TNFSF4: variants seen among roughly 807,000 people sequenced by gnomAD.
The protein encoded by TNFSF4 is TNF superfamily member 4.
TNFSF4 carries 4 observed loss-of-function variants against 7.3 expected under a neutral mutation model. That is an observed-to-expected ratio of 0.55 (90% CI 0.27 to 1.25). The LOEUF (loss-of-function observed/expected upper bound fraction) is 1.25. Ranked by LOEUF, TNFSF4 falls within the 50% of genes most tolerant of loss-of-function variation. The probability of loss-of-function intolerance (pLI) is 0.12; values close to 1 mark genes in which losing one functional copy is unlikely to be tolerated. For missense variants in TNFSF4, 181 were observed against 208.8 expected, an observed-to-expected ratio of 0.87 and a Z score of 0.82; for synonymous variants, 76 against 83.7, an observed-to-expected ratio of 0.91 and a Z score of 0.50.
At chr1:173,358,451 C>A in the TNFSF4 span, among the ~76,000 whole-genome samples, 3 of 152,246 alleles carry the variant, frequency 2.0e-5, no homozygotes, top group Non-Finnish European at 4.4e-5. Flanking sequence ...CCAGAACCCT[C>A]ATAGACTGCT....
chr1:173,450,365 A>G, the TNFSF4 span, among the ~76,000 whole-genome samples: 2 of 152,146 alleles, frequency 1.3e-5, no homozygotes, highest in African/African-American at 4.8e-5. Flanking sequence ...TGTGGAAGAA[A>G]TAATAATTTT....
the TNFSF4 span, among the ~76,000 whole-genome samples, chr1:173,232,391 A>G: frequency 6.6e-6 from 1 of 152,318 alleles, no homozygotes; most frequent in East Asian, 1.9e-4. Flanking sequence ...GATTTTCTAA[A>G]TATACAATCA....
At chr1:173,320,973 A>G in the TNFSF4 span, among the ~76,000 whole-genome samples, 1 of 152,212 alleles carries the variant, frequency 6.6e-6, no homozygotes, top group Non-Finnish European at 1.5e-5. Context: ...ATTAGAAAAA[A>G]GCTACTTTAA....
the TNFSF4 span, among the ~76,000 whole-genome samples, chr1:173,257,301 C>A: frequency 6.6e-6 from 1 of 152,226 alleles, no homozygotes; most frequent in Non-Finnish European, 1.5e-5. Flanking sequence ...TTAGTGTCTA[C>A]ACTGAGAGAG....
At chr1:173,182,539 C>A (rs981775643), downstream of TNFSF4, among the ~76,000 whole-genome samples, 1 of 152,144 alleles carries the variant, frequency 6.6e-6, no homozygotes, top group South Asian at 2.1e-4. Flanking sequence ...AGTTTTCAGA[C>A]GTAAAATAGG....
the TNFSF4 span, among the ~76,000 whole-genome samples, chr1:173,393,034 G>T: frequency 3.9e-4 from 59 of 152,280 alleles, no homozygotes; most frequent in African/African-American, 1.3e-3. Flanking sequence ...AAGGATACAA[G>T]GGAGACGTGA....
chr1:173,195,018 T>C (rs1649640687), intron 1 of TNFSF4, among the ~76,000 whole-genome samples: 1 of 152,194 alleles, frequency 6.6e-6, no homozygotes, highest in Non-Finnish European at 1.5e-5. Flanking sequence ...ACTACCCATA[T>C]TTTACAGATA....
chr1:173,279,686 T>C, the TNFSF4 span, among the ~76,000 whole-genome samples: 1 of 152,050 alleles, frequency 6.6e-6, no homozygotes, highest in Non-Finnish European at 1.5e-5. Context: ...TTCCCTTCCT[T>C]ACCTACACTC....
chr1:173,244,311 A>C, the TNFSF4 span, among the ~76,000 whole-genome samples: 8 of 152,306 alleles, frequency 5.3e-5, no homozygotes, highest in South Asian at 1.7e-3. Flanking sequence ...ACAGCTAATT[A>C]CATTTAAGCA....
At chr1:173,366,351 T>A in the TNFSF4 span, among the ~76,000 whole-genome samples, 2 of 152,072 alleles carry the variant, frequency 1.3e-5, no homozygotes, top group South Asian at 4.1e-4. Flanking sequence ...GGAAGTGAAA[T>A]AAGCCAGGCA....
intron 1 of TNFSF4, among the ~76,000 whole-genome samples, chr1:173,204,819 A>G (rs1650106789): frequency 6.6e-6 from 1 of 151,966 alleles, no homozygotes; most frequent in Non-Finnish European, 1.5e-5. Flanking sequence ...CTACTAGTCT[A>G]TGTCTCTTTG....
the TNFSF4 span, among the ~76,000 whole-genome samples, chr1:173,360,049 T>C: frequency 6.6e-6 from 1 of 152,254 alleles, no homozygotes; most frequent in South Asian, 2.1e-4. Context: ...CTGGCTATGA[T>C]GGCCACACAG....
At chr1:173,339,586 CCT>C in the TNFSF4 span, among the ~76,000 whole-genome samples, 3 of 151,638 alleles carry the variant, frequency 2.0e-5, no homozygotes, top group African/African-American at 7.3e-5. Context: ...TATTTTCTTC[CCT>C]CTCTTATTCT....
At chr1:173,398,600 G>T in the TNFSF4 span, among the ~76,000 whole-genome samples, 1 of 151,544 alleles carries the variant, frequency 6.6e-6, no homozygotes, top group African/African-American at 2.4e-5. Context: ...AAATTTTTTT[G>T]TATTTTTAGT....
At chr1:173,221,137 G>A in the TNFSF4 span, among the ~76,000 whole-genome samples, 1 of 152,174 alleles carries the variant, frequency 6.6e-6, no homozygotes, top group Admixed American at 6.5e-5. Context: ...TGGCATGCCT[G>A]AAGAAAAGAA....
the TNFSF4 span, among the ~76,000 whole-genome samples, chr1:173,273,526 C>A: frequency 2.0e-5 from 3 of 152,008 alleles, no homozygotes; most frequent in Non-Finnish European, 4.4e-5. Context: ...CATTTCTAAT[C>A]AATGAGGATG....
the TNFSF4 span, among the ~76,000 whole-genome samples, chr1:173,436,454 G>C: frequency 6.6e-6 from 1 of 152,176 alleles, no homozygotes; most frequent in African/African-American, 2.4e-5. Context: ...CTGTCACCTA[G>C]GCTGGAGTGC....
At chr1:173,302,062 C>T in the TNFSF4 span, among the ~76,000 whole-genome samples, 1 of 151,818 alleles carries the variant, frequency 6.6e-6, no homozygotes, top group East Asian at 1.9e-4. Context: ...TTTTAAACGG[C>T]CTTTAATAGT....
the TNFSF4 span, among the ~76,000 whole-genome samples, chr1:173,313,712 T>C: frequency 1.3e-5 from 2 of 152,118 alleles, no homozygotes; most frequent in African/African-American, 4.8e-5. Flanking sequence ...TAATGACTTG[T>C]CAATTTTCAT....
Sources: allele counts gnomAD v4.1 joint callset (sites outside exome capture counted in the v4.1 genomes callset), GRCh38; gene constraint gnomAD v4.1.1; transcripts MANE v1.5; gene names NCBI Gene and HGNC (gene_info 2026-07-23, HGNC 2026-07-21).